ANO7: variants seen among roughly 807,000 people sequenced by gnomAD.
ANO7 encodes anoctamin-7.
A neutral mutation model predicts 115.8 loss-of-function variants in ANO7; 114 were observed. The observed-to-expected ratio is 0.98, with a 90% CI of 0.85 to 1.15. The LOEUF (loss-of-function observed/expected upper bound fraction) is 1.15. Ranked by LOEUF, ANO7 falls within the 50% of genes most tolerant of loss-of-function variation. The pLI is 0.00. For missense variants in ANO7, 1,302 were observed against 1,201.2 expected, an observed-to-expected ratio of 1.08 and a Z score of -1.24; for synonymous variants, 550 against 498.2, an observed-to-expected ratio of 1.10 and a Z score of -1.38.
intron 21 of ANO7, among the ~76,000 whole-genome samples, chr2:241,219,328 G>A (rs2068952074): frequency 6.6e-6 from 1 of 152,136 alleles, no homozygotes; most frequent in Admixed American, 6.5e-5. Context: ...TTTTGCTTTT[G>A]CTCTATGTAT....
chr2:241,240,266 TG>T, the ANO7 span: 1 of 745,850 alleles, frequency 1.3e-6, no homozygotes, highest in Non-Finnish European at 2.4e-6. This position sits in a 1 kb window ranked among gnomAD's most constrained non-coding sequence, Gnocchi z 5.5. Flanking sequence ...ACCCCCAAAA[TG>T]GGGCTAGCAC....
rs1474541727 is a variant in ANO7 at position 241,212,074 on chromosome 2, C to T, written c.1562-20C>T. On this transcript the variant is annotated intron_variant, in intron 15 of 24. Coordinates refer to ENST00000674324, the MANE Select transcript of ANO7 (RefSeq NM_001370694.2). The stretch of plus-strand genomic sequence containing the variant: ...CTGGTGACTCCCCCAGGGACTGAGC[C>T]CAGGCTCTCCATGCCACAGAAATGC... 1.2e-6 allele frequency: 2 copies of T among 1,610,900 alleles called. No homozygotes were observed. The highest frequency in any genetic ancestry group is 2.2e-5 in the South Asian group (2 of 91,012).
Position 241,223,918 on chromosome 2 carries a change from C to G in ANO7, c.2546C>G (p.Thr849Arg). 6.2e-7 allele frequency: 1 copy of G among 1,613,596 alleles called. No homozygotes were observed. Among genetic ancestry groups the G allele is most frequent in the East Asian group, 2.2e-5 (1 of 44,854 alleles). The change falls in exon 24 of 25, where the codon ACG becomes AGG. Residue 849 changes from threonine (T) to arginine (R), a missense_variant. Coordinates refer to ENST00000674324, the MANE Select transcript of ANO7 (RefSeq NM_001370694.2). Reference protein sequence around the residue: ...ALAENEVLFGTNGTKDEQPEG... With the variant: ...ALAENEVLFGRNGTKDEQPEG... ...TTTTGGGGACAGGTTCTTTTTGGAA[C>G]GAACGGAACAAAGGATGAGCAGCCC...
At chr2:241,205,026 C>T (rs888038802) in intron 10 of ANO7, 71 bp downstream of exon 10, 2 of 1,376,022 alleles carry the variant, frequency 1.5e-6, no homozygotes, top group Non-Finnish European at 1.0e-6. Context: ...CGGGGGGACC[C>T]CTAGGTGCTA....
intron 10 of ANO7, among the ~76,000 whole-genome samples, chr2:241,205,328 G>A (rs1375463503): frequency 6.6e-6 from 1 of 151,754 alleles, no homozygotes; most frequent in Non-Finnish European, 1.5e-5. Flanking sequence ...GGATAGGAGT[G>A]CTCCCAGGCT....
At chr2:241,222,050 C>T (rs979851110) in intron 21 of ANO7, among the ~76,000 whole-genome samples, 7 of 151,770 alleles carry the variant, frequency 4.6e-5, no homozygotes, top group Non-Finnish European at 8.8e-5. Flanking sequence ...CTGGCTAACA[C>T]GGTGAAACCC....
In ANO7 at chr2:241,209,627, G is replaced by A. The variant is rs748178998; in HGVS notation, c.1351G>A (p.Val451Met). ...CATGCTGGCCGGCTCTGTGGTGATC[G>A]TGGTGATGGTATGCGGTCCCCCTGC... ...RRMLAGSVVI[V>M]VMVAVVVMCL... Residue 451 changes from valine to methionine, a missense_variant, in exon 13 of 25, where the codon GTG becomes ATG. Val to Met is a conservative substitution (Grantham distance 21). Transcript: ENST00000674324. 52 of 1,558,300 alleles carry A rather than the reference G, an allele frequency of 3.3e-5. No homozygotes were observed. In the South Asian group the frequency reaches 3.9e-4, roughly 12 times the overall value.
Position 241,204,846 on chromosome 2 carries a change from C to T in ANO7, c.890-19C>T. 1.2e-6 allele frequency: 2 copies of T among 1,607,662 alleles called. No homozygotes were observed. The highest frequency in any genetic ancestry group is 1.7e-6 in the Non-Finnish European group (2 of 1,174,874). Reference sequence around the variant, plus strand: ...AAGCCTGGGTTCCTGATGGTGGACCCCTGCCATCCTCTCTACAGGGTTTTA... The same window carrying T: ...AAGCCTGGGTTCCTGATGGTGGACCTCTGCCATCCTCTCTACAGGGTTTTA... On this transcript the variant is annotated intron_variant, in intron 9 of 24. Transcript: ENST00000674324.
Position 241,222,551 on chromosome 2 carries a change from T to C in ANO7, c.2322-635T>C, listed in dbSNP as rs112490383. On this transcript the variant is annotated intron_variant, in intron 21 of 24. Coordinates refer to ENST00000674324, the MANE Select transcript of ANO7 (RefSeq NM_001370694.2). ...TTCCATTCATTTGAGGGATTTTTTT[T>C]CCAATGGCTATATTTTTAACTTGCA... Among the ~76,000 whole-genome samples the C allele has an allele frequency of 7.1e-3, 1,074 of 152,298 alleles. 12 individuals are homozygous for C. Among genetic ancestry groups the C allele is most frequent in the African/African-American group, 0.024 (1,004 of 41,554 alleles).
At position 241,216,100 on chromosome 2, in the gene ANO7, A is replaced by C; in HGVS notation, c.1834A>C (p.Lys612Gln). Residue 612 changes from lysine to glutamine, a missense_variant, in exon 19 of 25, where the codon AAG becomes CAG. By Grantham distance (53) the Lys-to-Gln change is moderately conservative. Coordinates refer to ENST00000674324, the MANE Select transcript of ANO7 (RefSeq NM_001370694.2). ...NMQEVLIPKL[K>Q]GWWQKFRLRS... ...CTGTATTCCCGTCCCCAGGAAGCTA[A>C]AGGGCTGGTGGCAGAAGTTCCGGCT... 4 of 1,606,844 alleles carry C rather than the reference A, an allele frequency of 2.5e-6. No homozygotes were observed. The highest frequency in any genetic ancestry group is 3.4e-6 in the Non-Finnish European group (4 of 1,177,816).
chr2:241,196,116 C>T (rs2149125813), intron 4 of ANO7: 1 of 1,384,288 alleles, frequency 7.2e-7, no homozygotes, highest in Non-Finnish European at 9.3e-7. Context: ...CTGACACTAC[C>T]TTTGCCATTC....
chr2:241,223,889 CCTT>C lies in ANO7; in HGVS notation c.2533-15_2533-13del, dbSNP rs781669090. 12 of 1,613,998 alleles carry C rather than the reference CCTT, an allele frequency of 7.4e-6. 1 individual carries two copies. The South Asian group carries it at 8.8e-5, about 12-fold the overall frequency. On this transcript the variant is annotated splice_polypyrimidine_tract_variant and intron_variant, in intron 23 of 24. Coordinates refer to ENST00000674324, the MANE Select transcript of ANO7 (RefSeq NM_001370694.2). ...GTCACATCCCTCTTCCTCTTGCTGC[CCTT>C]TTTTGGGGACAGGTTCTTTTTGGAA...
chr2:241,194,166 T>C (rs2068266132), intron 3 of ANO7, among the ~76,000 whole-genome samples: 1 of 148,498 alleles, frequency 6.7e-6, no homozygotes, highest in African/African-American at 2.5e-5. Flanking sequence ...TGAGCCACCG[T>C]ACCTGGCCTT....
At chr2:241,237,940 T>C in the ANO7 span, among the ~76,000 whole-genome samples, 2 of 152,254 alleles carry the variant, frequency 1.3e-5, no homozygotes, top group Non-Finnish European at 2.9e-5. Flanking sequence ...TGTGACATGC[T>C]TCCTGGATGC....
chr2:241,234,038 G>A, the ANO7 span: 1 of 1,539,384 alleles, frequency 6.5e-7, no homozygotes, highest in South Asian at 1.1e-5. Flanking sequence ...CTTCCACCCT[G>A]GTCATAGGAC....
intron 3 of ANO7, among the ~76,000 whole-genome samples, chr2:241,193,676 T>G (rs1032474137): frequency 6.6e-6 from 1 of 152,232 alleles, no homozygotes; most frequent in African/African-American, 2.4e-5. Context: ...AAATTGTCTA[T>G]CCATAATCAT....
At chr2:241,197,773 C>T (rs1438657208) in intron 4 of ANO7, among the ~76,000 whole-genome samples, 5 of 152,092 alleles carry the variant, frequency 3.3e-5, no homozygotes, top group South Asian at 4.2e-4. Flanking sequence ...GCCTCAGCCT[C>T]CCGAGTAGCT....
chr2:241,232,473 G>A, the ANO7 span, among the ~76,000 whole-genome samples: 1 of 152,056 alleles, frequency 6.6e-6, no homozygotes, highest in Non-Finnish European at 1.5e-5. Context: ...ACAGGCTTTC[G>A]CCATGTTGGT....
At position 241,212,285 on chromosome 2, in the gene ANO7, C is replaced by T. The variant is rs1351798390; in HGVS notation, c.1673+80C>T. Reference sequence around the variant, plus strand: ...TGTTTCCCGCTGCCTGGGTACCAGGCGTCATCCAGCCGTGCTCAGGCAGGT... The same window carrying T: ...TGTTTCCCGCTGCCTGGGTACCAGGTGTCATCCAGCCGTGCTCAGGCAGGT... On this transcript the variant is annotated intron_variant, in intron 16 of 24. Transcript: ENST00000674324. The T allele has an allele frequency of 1.5e-5, 21 of 1,364,626 alleles. 1 individual carries two copies. Among genetic ancestry groups the T allele is most frequent in the Admixed American group, 3.4e-5 (2 of 59,204 alleles). The allele number at this position is 1,364,626 out of a possible 1,614,324, so 84.5% of individuals were successfully genotyped here. A position where few individuals can be genotyped will look rare whatever the true frequency, so the allele number is the denominator to read the frequency against.
Sources: allele counts gnomAD v4.1 joint callset (sites outside exome capture counted in the v4.1 genomes callset), GRCh38; gene constraint gnomAD v4.1.1; non-coding constraint Gnocchi (gnomAD v3.1); transcripts MANE v1.5; gene names NCBI Gene and HGNC (gene_info 2026-07-23, HGNC 2026-07-21).